The following PUDP variants were observed in gnomAD, a reference collection of about 807,000 sequenced individuals.
The protein encoded by PUDP is pseudouridine 5'-phosphatase, also known as pseudouridine-5'-phosphatase.
PUDP carries 8 observed loss-of-function variants against 9.4 expected under a neutral mutation model. The ratio of observed to expected loss-of-function variants is 0.85; its 90% CI spans 0.50 to 1.53. PUDP has a LOEUF of 1.53. PUDP is among the 40% of genes most tolerant of loss of function. The pLI, the probability that PUDP is intolerant of heterozygous loss-of-function variation, is 0.00. For missense variants in PUDP, 188 were observed against 189.7 expected (o/e 0.99, Z 0.05); for synonymous variants, 99 against 80.7 (o/e 1.23, Z -1.22).
intron 1 of PUDP, among the ~76,000 whole-genome samples, chrX:6,709,920 C>T (rs1265387184): frequency 9.9e-5 from 11 of 111,331 alleles, no homozygotes; most frequent in Non-Finnish European, 1.9e-4. Context: ...GTCAGGAGTT[C>T]GAGACCAGCC....
chrX:6,710,157 A>G (rs1161671048), intron 1 of PUDP, among the ~76,000 whole-genome samples: 1 of 111,560 alleles, frequency 9.0e-6, no homozygotes, highest in Non-Finnish European at 1.9e-5. Flanking sequence ...AACAAAAACA[A>G]ACAAATGAAA....
intron 1 of PUDP, among the ~76,000 whole-genome samples, chrX:7,017,809 G>A (rs1447495820): frequency 8.9e-6 from 1 of 112,126 alleles, no homozygotes; most frequent in African/African-American, 3.2e-5. Flanking sequence ...AATAGGAGCA[G>A]GGTAAAATGA....
At position 7,042,660 on chromosome X, in the gene PUDP, G is replaced by T. The variant is rs72609591; in HGVS notation, c.204+34560C>A. Among the ~76,000 whole-genome samples the T allele has an allele frequency of 1.2e-3, 32 of 27,520 alleles. 1 individual carries two copies. In the East Asian group the frequency reaches 0.03, roughly 26 times the overall value. 23.9% of individuals were successfully genotyped at this position (27,520 alleles called of 115,157 possible). A position where few individuals can be genotyped will look rare whatever the true frequency, so the allele number is the denominator to read the frequency against. On this transcript the variant is annotated intron_variant and NMD_transcript_variant, in intron 1 of 3. Coordinates refer to the PUDP transcript ENST00000655425. ...GGGTGGACATATGTTTTCATTTTTT[G>T]GGGGGGGTAGACATCAAAGAGTAGA...
At chrX:6,846,409 C>CAAA in intron 3 of PUDP, among the ~76,000 whole-genome samples, 1 of 63,429 alleles carries the variant, frequency 1.6e-5, no homozygotes, top group Non-Finnish European at 3.0e-5. Flanking sequence ...GACTCCCTCT[C>CAAA]AAAAAAAAAA....
upstream of PUDP, among the ~76,000 whole-genome samples, chrX:6,721,738 T>C (rs1402774795): frequency 8.9e-6 from 1 of 112,094 alleles, no homozygotes; most frequent in Non-Finnish European, 1.9e-5. Flanking sequence ...CTTTAAGATG[T>C]TTGTCATCCT....
At chrX:6,811,981 A>T (rs1926151837) in intron 3 of PUDP, among the ~76,000 whole-genome samples, 1 of 112,470 alleles carries the variant, frequency 8.9e-6, no homozygotes, top group African/African-American at 3.2e-5. Flanking sequence ...AGAAAATAGA[A>T]GGTACCAGGG....
rs56695005 is a variant in PUDP, at chrX:6,775,466, T to TATAGATAG, written c.*248-69008_*248-69001dup. 2.7e-4 allele frequency among the ~76,000 whole-genome samples: 28 copies of TATAGATAG among 101,950 alleles called. No homozygotes were observed. The South Asian group carries it at 0.01, about 37-fold the overall frequency. The allele number at this position is 101,950 out of a possible 115,157, so 88.5% of individuals were successfully genotyped here. A position where few individuals can be genotyped will look rare whatever the true frequency, so the allele number is the denominator to read the frequency against. On this transcript the variant is annotated intron_variant and NMD_transcript_variant, in intron 3 of 3. Coordinates refer to the PUDP transcript ENST00000655425. ...TTTGGGGCATGGATGGATAGATAGA[T>TATAGATAG]ATAGATAGATAGATAGATACACACA...
intron 3 of PUDP, among the ~76,000 whole-genome samples, chrX:6,880,194 C>G (rs749462198): frequency 3.7e-5 from 4 of 109,402 alleles, no homozygotes; most frequent in African/African-American, 1.3e-4. Context: ...GATTTTGGTG[C>G]ACCCATCACC....
At chrX:7,078,751 GAC>G (rs1373506969) in intron 2 of PUDP, among the ~76,000 whole-genome samples, 1 of 112,061 alleles carries the variant, frequency 8.9e-6, no homozygotes. Flanking sequence ...TGGAGCACCT[GAC>G]CCTCTAAAGA....
At chrX:6,940,271 T>A (rs1228064250) in intron 3 of PUDP, among the ~76,000 whole-genome samples, 2 of 113,488 alleles carry the variant, frequency 1.8e-5, no homozygotes, top group Non-Finnish European at 3.7e-5. Context: ...ATTGCTTACA[T>A]ATTGCACATG....
chrX:6,916,249 C>CACA (rs1440821475), intron 3 of PUDP, among the ~76,000 whole-genome samples: 8 of 96,546 alleles, frequency 8.3e-5, no homozygotes, highest in South Asian at 4.9e-4. Flanking sequence ...CACACACACA[C>CACA]CCTGGGGAAC....
At chrX:6,938,425 T>C (rs1161754543) in intron 3 of PUDP, among the ~76,000 whole-genome samples, 5 of 72,370 alleles carry the variant, frequency 6.9e-5, no homozygotes, top group Non-Finnish European at 1.0e-4. Flanking sequence ...TAGGTGGGAA[T>C]TGAACAATGA....
At chrX:7,136,698 C>CG (rs1288865132) in intron 1 of PUDP, among the ~76,000 whole-genome samples, 1 of 55,798 alleles carries the variant, frequency 1.8e-5, no homozygotes, top group Non-Finnish European at 3.9e-5. Flanking sequence ...CCAGTGGGAC[C>CG]CCCCCCCCCA....
At chrX:6,790,367 A>C (rs962457074) in intron 3 of PUDP, among the ~76,000 whole-genome samples, 1 of 112,522 alleles carries the variant, frequency 8.9e-6, no homozygotes, top group Non-Finnish European at 1.9e-5. Context: ...CATCAATTGG[A>C]GAATGATCAA....
At chrX:7,135,557 T>C (rs1214772441) in intron 1 of PUDP, among the ~76,000 whole-genome samples, 1 of 112,037 alleles carries the variant, frequency 8.9e-6, no homozygotes, top group Non-Finnish European at 1.9e-5. Flanking sequence ...ATGAATGCAT[T>C]GCCACTGTAA....
intron 3 of PUDP, among the ~76,000 whole-genome samples, chrX:6,857,510 T>G (rs1255000394): frequency 8.9e-6 from 1 of 112,620 alleles, no homozygotes; most frequent in Non-Finnish European, 1.9e-5. Context: ...CAGAACTCAT[T>G]GCAGCCTCAA....
intron 3 of PUDP, among the ~76,000 whole-genome samples, chrX:6,788,173 G>A (rs945934950): frequency 8.0e-5 from 9 of 111,830 alleles, no homozygotes; most frequent in Non-Finnish European, 1.7e-4. Flanking sequence ...GCACCCACGC[G>A]ACCAGTCTGT....
At chrX:6,918,974 T>TA in intron 3 of PUDP, among the ~76,000 whole-genome samples, 1 of 112,352 alleles carries the variant, frequency 8.9e-6, no homozygotes, top group Admixed American at 9.4e-5. Context: ...GTTTGCCACC[T>TA]GTTTGATCTA....
intron 3 of PUDP, among the ~76,000 whole-genome samples, chrX:6,768,774 T>C (rs1569094967): frequency 8.9e-6 from 1 of 112,219 alleles, no homozygotes; most frequent in Non-Finnish European, 1.9e-5. Context: ...CATTCCCTTT[T>C]TATGAACATA....
Sources: gnomAD v4.1 joint callset for allele counts (sites outside exome capture counted in the v4.1 genomes callset) on GRCh38, gnomAD v4.1.1 for gene constraint, MANE v1.5 for transcripts, NCBI Gene and HGNC (gene_info 2026-07-23, HGNC 2026-07-21) for gene names.